The following TRIM23 variants were observed in gnomAD, a reference collection of about 807,000 sequenced individuals.
TRIM23 encodes tripartite motif containing 23, also known as E3 ubiquitin-protein ligase TRIM23.
TRIM23 carries 27 observed loss-of-function variants against 71.0 expected under a neutral mutation model. That is an observed-to-expected ratio of 0.38 (90% CI 0.28 to 0.52). The LOEUF is 0.52. Among genes scored for constraint, TRIM23 ranks in the 20% least tolerant of loss-of-function variants. TRIM23 has a pLI of 0.84. For synonymous variants in TRIM23, 234 were observed against 238.0 expected (o/e 0.98, Z 0.16); for missense variants, 482 against 692.3 (o/e 0.70, Z 3.41).
rs759149357 is a variant in TRIM23 at position 65,590,338 on chromosome 5, T to C, written c.*1431A>G. ...AAGGATGAAATATTACATTTATTTA[T>C]TTACATATTGCCCATAATACTGATA... is the stretch of plus-strand genomic sequence containing the variant. On this transcript the variant is annotated 3_prime_UTR_variant, in exon 11 of 11. Coordinates refer to ENST00000231524, the MANE Select transcript of TRIM23 (RefSeq NM_001656.4). 14 of 1,468,324 alleles carry C rather than the reference T, an allele frequency of 9.5e-6. No homozygotes were observed. Among genetic ancestry groups the C allele is most frequent in the Non-Finnish European group, 1.2e-5 (13 of 1,074,542 alleles). The allele number at this position is 1,468,324 out of a possible 1,614,324, so 91.0% of individuals were successfully genotyped here.
intron 9 of TRIM23, among the ~76,000 whole-genome samples, chr5:65,595,889 T>C (rs1301204860): frequency 2.0e-5 from 3 of 152,144 alleles, no homozygotes; most frequent in Admixed American, 6.5e-5. Context: ...GGCAGAAGTG[T>C]AGAGTAAGAC....
chr5:65,619,898 A>G (rs889433381), intron 1 of TRIM23, among the ~76,000 whole-genome samples: 1 of 152,150 alleles, frequency 6.6e-6, no homozygotes, highest in African/African-American at 2.4e-5. Context: ...CCTGGACAAC[A>G]TGGTGAAATC....
chr5:65,599,070 C>A (rs577526785), intron 7 of TRIM23, among the ~76,000 whole-genome samples: 31 of 151,876 alleles, frequency 2.0e-4, no homozygotes, highest in African/African-American at 7.5e-4. Context: ...GCCCACAGAG[C>A]AATTAGGCAA....
chr5:65,611,491 T>G, intron 4 of TRIM23, 112 bp downstream of exon 4: 1 of 1,231,750 alleles, frequency 8.1e-7, no homozygotes, highest in Non-Finnish European at 1.1e-6. Flanking sequence ...CACTCATCAC[T>G]TAACTCTTCT....
At chr5:65,602,533 G>C (rs764282202) in intron 7 of TRIM23, among the ~76,000 whole-genome samples, 1 of 152,100 alleles carries the variant, frequency 6.6e-6, no homozygotes, top group Non-Finnish European at 1.5e-5. Flanking sequence ...CTGTTACCCA[G>C]TTCCAAAGTT....
At chr5:65,604,363 G>A (rs1445591829) in intron 7 of TRIM23, among the ~76,000 whole-genome samples, 4 of 152,094 alleles carry the variant, frequency 2.6e-5, no homozygotes, top group Admixed American at 6.6e-5. Flanking sequence ...CCAAAGTGCT[G>A]TTATTACAGG....
Position 65,596,905 on chromosome 5 carries a change from A to G in TRIM23, c.1309+146T>C, listed in dbSNP as rs558756100. Reference sequence around the variant, plus strand: ...CACATTTCAATCCCATAGTCATACAATCTTGCATTTTTTCTCTGAGATGCT... The same window carrying G: ...CACATTTCAATCCCATAGTCATACAGTCTTGCATTTTTTCTCTGAGATGCT... On this transcript the variant is annotated intron_variant, in intron 8 of 10. Coordinates refer to ENST00000231524, the MANE Select transcript of TRIM23 (RefSeq NM_001656.4). The G allele has an allele frequency of 2.8e-5, 26 of 941,592 alleles. 1 individual carries two copies. The African/African-American group carries it at 2.8e-4, about 10-fold the overall frequency. 58.3% of individuals were successfully genotyped at this position (941,592 alleles called of 1,614,324 possible).
At chr5:65,601,446 T>G (rs1754362826) in intron 7 of TRIM23, among the ~76,000 whole-genome samples, 1 of 151,460 alleles carries the variant, frequency 6.6e-6, no homozygotes, top group South Asian at 2.1e-4. Context: ...AAGAGAAAAA[T>G]GAGGAAGAAG....
At chr5:65,622,253 C>T (rs552070723) in intron 1 of TRIM23, among the ~76,000 whole-genome samples, 1 of 152,182 alleles carries the variant, frequency 6.6e-6, no homozygotes, top group Non-Finnish European at 1.5e-5. Flanking sequence ...GCAACCTCCG[C>T]CTCCTGGGTT....
rs752373389 is a variant in TRIM23, at chr5:65,611,807, G to A, written c.441C>T (p.Cys147=). 3.1e-6 allele frequency: 5 copies of A among 1,614,054 alleles called. No individual in the cohort carries two copies. In the African/African-American group the frequency reaches 4.0e-5, roughly 13 times the overall value. Reference sequence around the variant, plus strand: ...AATGAGTAACTTGAGAACACTCAGAGCACAAATGAGTTGCACACACAGTGC... The same window carrying A: ...AATGAGTAACTTGAGAACACTCAGAACACAAATGAGTTGCACACACAGTGC... The part of the protein sequence containing the change: ...VYCTVCATHL[C]SECSQVTHST... Residue 147 remains cysteine, a synonymous_variant, in exon 4 of 11, where the codon TGC becomes TGT. Transcript: ENST00000231524.
intron 1 of TRIM23, 29 bp from the exon 2 acceptor site, chr5:65,618,284 T>C: frequency 6.4e-7 from 1 of 1,573,106 alleles, no homozygotes; most frequent in Non-Finnish European, 8.6e-7. Flanking sequence ...GGATGTGCTC[T>C]TTAAACAATT....
rs754118572 is a variant in TRIM23, at chr5:65,610,856, C to G, written c.828+5G>C. The stretch of plus-strand genomic sequence containing the variant: ...GAGAAAGTGAAGAAGAAAAAAAATC[C>G]ATACATGTTCTGTGTGAGCCATTCC... On this transcript the variant is annotated splice_donor_5th_base_variant and intron_variant, in intron 5 of 10. Transcript: ENST00000231524. The G allele has an allele frequency of 4.5e-6, 7 of 1,556,250 alleles. No individual in the cohort carries two copies. In the South Asian group the frequency reaches 7.3e-5, roughly 16 times the overall value.
At chr5:65,608,698 A>G (rs183053024) in intron 6 of TRIM23, among the ~76,000 whole-genome samples, 2 of 152,334 alleles carry the variant, frequency 1.3e-5, no homozygotes, top group Non-Finnish European at 2.9e-5. Context: ...TTTATTTAAA[A>G]AAGTAAGTCA....
chr5:65,593,890 C>T (rs974648917), intron 10 of TRIM23, among the ~76,000 whole-genome samples: 25 of 152,138 alleles, frequency 1.6e-4, no homozygotes, highest in African/African-American at 6.0e-4. Context: ...TTCATTCTAC[C>T]CCTAGAATTA....
Position 65,597,171 on chromosome 5 carries a change from C to T in TRIM23, c.1189G>A (p.Val397Ile), listed in dbSNP as rs747292792. Residue 397 changes from valine to isoleucine, a missense_variant, in exon 8 of 11, where the codon GTT (valine) becomes ATT (isoleucine). This residue lies in a region of TRIM23 where 307 missense variants were observed against 495.8 expected (regional missense o/e 0.62). Transcript: ENST00000231524. ...IPVTFTKDNR[V>I]HIGPKMEIRV... ...ATTTCCATTTTTGGTCCAATGTGAA[C>T]TCGATTATCCTACAATTTAAATATT... 1.4e-5 allele frequency: 23 copies of T among 1,613,948 alleles called. No homozygotes were observed. Among genetic ancestry groups the T allele is most frequent in the Non-Finnish European group, 1.9e-5 (22 of 1,179,908 alleles).
Position 65,609,288 on chromosome 5 carries a change from T to C in TRIM23, c.999A>G (p.Ser333=). 1 of 1,614,172 alleles carries C rather than the reference T, an allele frequency of 6.2e-7. No homozygotes were observed. Among genetic ancestry groups the C allele is most frequent in the Non-Finnish European group, 8.5e-7 (1 of 1,180,020 alleles). The change falls in exon 6 of 11, where the codon TCA becomes TCG. Residue 333 remains serine (S), a synonymous_variant. Transcript: ENST00000231524. ...AGTGGAGGCAGGCTGCAGAAACCTC[T>C]GACAACAAAATAGTCATATCTTCTT... ...QQQEDMTILL[S]EVSAACLHCE...
At chr5:65,606,484 AC>A (rs66877444) in intron 6 of TRIM23, among the ~76,000 whole-genome samples, 46,395 of 136,874 alleles carry the variant, frequency 0.34, 7,692 homozygotes, top group South Asian at 0.42. Context: ...AAAAAAAAAA[AC>A]AATTGAAGTC....
chr5:65,613,952 G>A (rs1389349242), intron 3 of TRIM23, 146 bp downstream of exon 3: 1 of 1,523,842 alleles, frequency 6.6e-7, no homozygotes, highest in Non-Finnish European at 8.8e-7. Context: ...GAATAGTGTT[G>A]GCCTTCAGAA....
chr5:65,596,333 A>G (rs772692865), intron 9 of TRIM23, 88 bp downstream of exon 9: 156 of 900,290 alleles, frequency 1.7e-4, no homozygotes, highest in Non-Finnish European at 2.5e-4. Flanking sequence ...CGACTTAATC[A>G]TAAGTATCAG....
Sources: gnomAD v4.1 joint callset for allele counts (sites outside exome capture counted in the v4.1 genomes callset) on GRCh38, gnomAD v4.1.1 for gene constraint, gnomAD v4.1.1 regional missense constraint, MANE v1.5 for transcripts, NCBI Gene and HGNC (gene_info 2026-07-23, HGNC 2026-07-21) for gene names.